ADGRB3: variants seen among roughly 807,000 people sequenced by gnomAD.
ADGRB3 encodes adhesion G protein-coupled receptor B3.
ADGRB3 carries 37 observed loss-of-function variants against 193.4 expected under a neutral mutation model. That is an observed-to-expected ratio of 0.19 (90% CI 0.15 to 0.25). The LOEUF (loss-of-function observed/expected upper bound fraction) is 0.25, where lower values mean the gene tolerates loss of function less well. Among genes scored for constraint, ADGRB3 ranks in the 10% least tolerant of loss-of-function variants. ADGRB3 has a pLI of 1.00. For synonymous variants in ADGRB3, 690 were observed against 644.2 expected (o/e 1.07, Z -1.08); for missense variants, 1,637 against 1,852.9 (o/e 0.88, Z 2.14).
At chr6:69,168,219 A>T (rs1044006314) in intron 17 of ADGRB3, among the ~76,000 whole-genome samples, 5 of 152,176 alleles carry the variant, frequency 3.3e-5, no homozygotes, top group African/African-American at 1.2e-4. Flanking sequence ...GTAGAAACGT[A>T]CAGTATATCA....
intron 29 of ADGRB3, among the ~76,000 whole-genome samples, chr6:69,368,705 A>T (rs894348474): frequency 7.2e-5 from 11 of 152,072 alleles, no homozygotes; most frequent in Non-Finnish European, 1.5e-4. Context: ...AGAGGGGGAA[A>T]AATAAGAAGA....
At chr6:68,923,854 A>G (rs1306643428) in intron 3 of ADGRB3, among the ~76,000 whole-genome samples, 2 of 152,098 alleles carry the variant, frequency 1.3e-5, no homozygotes, top group African/African-American at 2.4e-5. Flanking sequence ...GGGACAATTC[A>G]GTTTACTTTC....
intron 3 of ADGRB3, among the ~76,000 whole-genome samples, chr6:68,679,261 T>C (rs561933746): frequency 6.6e-6 from 1 of 152,222 alleles, no homozygotes; most frequent in African/African-American, 2.4e-5. Flanking sequence ...TTCTTGCTCA[T>C]GTAACAGTTC....
intron 8 of ADGRB3, among the ~76,000 whole-genome samples, chr6:68,967,146 G>T (rs1768404389): frequency 6.6e-6 from 1 of 152,138 alleles, no homozygotes; most frequent in Non-Finnish European, 1.5e-5. Context: ...ATAATAATTT[G>T]TGTAGTGGAT....
At chr6:69,248,196 A>G (rs1021501241) in intron 20 of ADGRB3, among the ~76,000 whole-genome samples, 2 of 152,204 alleles carry the variant, frequency 1.3e-5, no homozygotes, top group South Asian at 4.1e-4. Context: ...ACATAATATG[A>G]ACTGGTCAGA....
rs144908783 is a variant in ADGRB3, at chr6:69,112,611, A to G, written c.2480+36573A>G. ...TGTGTATATATAGCAGGCCTTTCGT[A>G]TTCATGAGTTCCACATCCATTGATT... On this transcript the variant is annotated intron_variant, in intron 17 of 31. Coordinates refer to ENST00000370598, the MANE Select transcript of ADGRB3 (RefSeq NM_001704.3). Among the ~76,000 whole-genome samples the G allele has an allele frequency of 2.3e-3, 352 of 152,332 alleles. 5 individuals carry two copies. The highest frequency in any genetic ancestry group is 8.3e-3 in the African/African-American group (345 of 41,580).
In ADGRB3 at chr6:69,104,371, G is replaced by C. The variant is rs7743302; in HGVS notation, c.2480+28333G>C. Among the ~76,000 whole-genome samples the C allele has an allele frequency of 1.7e-3, 258 of 151,066 alleles. 2 individuals are homozygous for C. Among genetic ancestry groups the C allele is most frequent in the South Asian group, 1.3e-3 (6 of 4,766 alleles). On this transcript the variant is annotated intron_variant, in intron 17 of 31. Transcript: ENST00000370598. ...TCCCTACAAAGGACATGAACTCATC[G>C]TTTTCTATGGCTGCATAGTATTCCA... is the stretch of plus-strand genomic sequence containing the variant.
At chr6:69,094,783 TG>T (rs1016218823) in intron 17 of ADGRB3, among the ~76,000 whole-genome samples, 6 of 152,328 alleles carry the variant, frequency 3.9e-5, no homozygotes, top group African/African-American at 1.4e-4. Context: ...GGGCCATTTT[TG>T]GATGCCTTCC....
rs754935224 is a variant in ADGRB3, at chr6:68,904,050, G to A, written c.758-26509G>A. Among the ~76,000 whole-genome samples the A allele has an allele frequency of 1.6e-3, 173 of 108,274 alleles. 4 individuals carry two copies. Among genetic ancestry groups the A allele is most frequent in the Non-Finnish European group, 2.4e-3 (110 of 46,320 alleles). 71.0% of individuals were successfully genotyped at this position (108,274 alleles called of 152,430 possible). A position where few individuals can be genotyped will look rare whatever the true frequency, so the allele number is the denominator to read the frequency against. The stretch of plus-strand genomic sequence containing the variant: ...GTAAACAAGGAAGGGAGGGAAGGAG[G>A]GAAGGAGGGAAGGAGGGAAGGAGGG... On this transcript the variant is annotated intron_variant, in intron 3 of 31. Transcript: ENST00000370598.
intron 3 of ADGRB3, among the ~76,000 whole-genome samples, chr6:68,679,141 G>A (rs938883692): frequency 6.6e-6 from 1 of 151,942 alleles, no homozygotes; most frequent in Non-Finnish European, 1.5e-5. Context: ...ATATTTGTTA[G>A]ATATAAAAAT....
chr6:68,667,174 C>G (rs544187696), intron 3 of ADGRB3, among the ~76,000 whole-genome samples: 4 of 151,800 alleles, frequency 2.6e-5, no homozygotes, highest in Admixed American at 6.6e-5. Context: ...AAACTGGTAT[C>G]ATTGGCTAAG....
intron 3 of ADGRB3, among the ~76,000 whole-genome samples, chr6:68,719,168 T>C (rs539553894): frequency 1.3e-5 from 2 of 151,874 alleles, no homozygotes; most frequent in African/African-American, 4.8e-5. Context: ...TAAACTCTTT[T>C]TCTATTCCTG....
intron 30 of ADGRB3, among the ~76,000 whole-genome samples, 156 bp downstream of exon 30, chr6:69,372,597 T>G (rs979031748): frequency 1.1e-4 from 17 of 152,182 alleles, no homozygotes; most frequent in Admixed American, 5.9e-4. Flanking sequence ...TTATCCTGTA[T>G]AGGATGAAAT....
chr6:69,119,514 T>C (rs1192199709), intron 17 of ADGRB3, among the ~76,000 whole-genome samples: 1 of 152,264 alleles, frequency 6.6e-6, no homozygotes, highest in Admixed American at 6.5e-5. Flanking sequence ...TTAGGAATTG[T>C]GGTGGGATAT....
intron 30 of ADGRB3, among the ~76,000 whole-genome samples, chr6:69,374,776 T>C (rs1769778909): frequency 6.6e-6 from 1 of 152,094 alleles, no homozygotes; most frequent in African/African-American, 2.4e-5. Context: ...TAGTAAGCAT[T>C]CAGTAATTTT....
At chr6:69,229,136 TAAC>T (rs1385521971) in intron 17 of ADGRB3, among the ~76,000 whole-genome samples, 1 of 152,178 alleles carries the variant, frequency 6.6e-6, no homozygotes, top group African/African-American at 2.4e-5. Context: ...TTTGACATAG[TAAC>T]AGCTGCTGAA....
chr6:69,158,955 TCTC>T (rs1409358657), intron 17 of ADGRB3, among the ~76,000 whole-genome samples: 2 of 152,038 alleles, frequency 1.3e-5, no homozygotes, highest in Non-Finnish European at 2.9e-5. Flanking sequence ...TTATTCATCT[TCTC>T]TTATTTCCTC....
chr6:68,640,033 C>T (rs545515385), intron 3 of ADGRB3, among the ~76,000 whole-genome samples: 1 of 152,298 alleles, frequency 6.6e-6, no homozygotes, highest in African/African-American at 2.4e-5. Flanking sequence ...ATTTGAGGTG[C>T]TTGCGCAAAA....
intron 17 of ADGRB3, among the ~76,000 whole-genome samples, chr6:69,204,024 A>G (rs879604885): frequency 2.0e-5 from 3 of 152,096 alleles, no homozygotes; most frequent in Non-Finnish European, 2.9e-5. Context: ...AACAATCCCA[A>G]AGCTGTGCCA....
Sources: gnomAD v4.1 joint callset for allele counts (sites outside exome capture counted in the v4.1 genomes callset) on GRCh38, gnomAD v4.1.1 for gene constraint, MANE v1.5 for transcripts, NCBI Gene and HGNC (gene_info 2026-07-23, HGNC 2026-07-21) for gene names.